MEOX2: variants seen among roughly 807,000 people sequenced by gnomAD.
The protein encoded by MEOX2 is homeobox protein MOX-2.
A neutral mutation model predicts 27.0 loss-of-function variants in MEOX2; 11 were observed. The ratio of observed to expected loss-of-function variants is 0.41; its 90% CI spans 0.26 to 0.68. MEOX2 has a LOEUF of 0.68. Ranked by LOEUF, MEOX2 falls within the 30% of genes least tolerant of loss-of-function variation. The pLI is 0.33. For missense variants in MEOX2, 436 were observed against 385.4 expected (o/e 1.13, Z -1.10); for synonymous variants, 189 against 155.4 (o/e 1.22, Z -1.61).
In MEOX2 at chr7:15,686,618, G is replaced by A. The variant is rs914191157; in HGVS notation, c.-216C>T. 1.4e-5 allele frequency: 8 copies of A among 582,436 alleles called. No individual in the cohort carries two copies. Among genetic ancestry groups the A allele is most frequent in the South Asian group, 1.1e-4 (5 of 43,774 alleles). The allele number at this position is 582,436 out of a possible 1,614,324, so 36.1% of individuals were successfully genotyped here. ...GTCGGACCTGGAAGAGCTTCCCTGA[G>A]CTACTCAGATGTCAAGAGTGGGAGA... On this transcript the variant is annotated 5_prime_UTR_variant, in exon 1 of 3. Coordinates refer to ENST00000262041, the MANE Select transcript of MEOX2 (RefSeq NM_005924.5).
chr7:15,629,354 T>C (rs1781363365), intron 1 of MEOX2, among the ~76,000 whole-genome samples: 1 of 152,060 alleles, frequency 6.6e-6, no homozygotes, highest in South Asian at 2.1e-4. Flanking sequence ...AGGAGGTTTA[T>C]ACAGCCAGTG....
intron 1 of MEOX2, among the ~76,000 whole-genome samples, chr7:15,640,100 TC>T (rs1310193871): frequency 1.3e-5 from 2 of 152,172 alleles, no homozygotes; most frequent in African/African-American, 4.8e-5. Flanking sequence ...TGATATTGAT[TC>T]TTCCTATCCA....
chr7:15,628,634 G>A (rs1036310270), intron 1 of MEOX2, among the ~76,000 whole-genome samples: 4 of 152,074 alleles, frequency 2.6e-5, no homozygotes, highest in African/African-American at 9.7e-5. Flanking sequence ...AAGCCACTGG[G>A]ACCAGGTGAG....
chr7:15,631,767 T>G (rs553203578), intron 1 of MEOX2, among the ~76,000 whole-genome samples: 2 of 151,892 alleles, frequency 1.3e-5, no homozygotes, highest in South Asian at 4.1e-4. Context: ...GTATGAAGAT[T>G]TGAGATGCTT....
chr7:15,683,046 T>A (rs1782317798), intron 1 of MEOX2, among the ~76,000 whole-genome samples: 1 of 152,052 alleles, frequency 6.6e-6, no homozygotes, highest in African/African-American at 2.4e-5. Context: ...TGCATATGTG[T>A]GTGTCCATGT....
intron 1 of MEOX2, among the ~76,000 whole-genome samples, chr7:15,653,888 T>C (rs1156525890): frequency 1.3e-5 from 2 of 152,014 alleles, no homozygotes; most frequent in African/African-American, 4.8e-5. Context: ...CAAAATCGTT[T>C]AGCTATTCTA....
intron 1 of MEOX2, chr7:15,668,091 G>A (rs1782037163): frequency 6.6e-6 from 1 of 152,172 alleles, no homozygotes; most frequent in South Asian, 2.1e-4. Context: ...TTTCTACTGT[G>A]TACTAACATG....
chr7:15,647,078 T>C (rs530658455), intron 1 of MEOX2, among the ~76,000 whole-genome samples: 206 of 152,164 alleles, frequency 1.4e-3, no homozygotes, highest in Middle Eastern at 3.4e-3. Context: ...CTCATAAGAC[T>C]CATATATTAG....
intron 2 of MEOX2, among the ~76,000 whole-genome samples, chr7:15,613,165 T>C (rs892942084): frequency 2.0e-5 from 3 of 152,208 alleles, no homozygotes; most frequent in Non-Finnish European, 2.9e-5. Flanking sequence ...TTCTTTTTAT[T>C]TTCTACCTTA....
At chr7:15,617,103 A>C (rs7793459) in intron 2 of MEOX2, among the ~76,000 whole-genome samples, 101,926 of 151,552 alleles carry the variant, frequency 0.67, 34,500 homozygotes, top group East Asian at 0.81. Flanking sequence ...TATATAATGC[A>C]ATAACCCATA....
intron 1 of MEOX2, among the ~76,000 whole-genome samples, chr7:15,658,447 C>T (rs909852083): frequency 1.3e-5 from 2 of 152,138 alleles, no homozygotes; most frequent in African/African-American, 4.8e-5. Context: ...TGTCTAAAAA[C>T]AGCAAACATC....
intron 1 of MEOX2, among the ~76,000 whole-genome samples, chr7:15,660,299 G>T (rs1276924896): frequency 2.0e-5 from 3 of 152,150 alleles, no homozygotes; most frequent in African/African-American, 7.2e-5. Context: ...AAATTAGCAG[G>T]AGAGTGTAGG....
chr7:15,659,133 A>G (rs1781868711), intron 1 of MEOX2, among the ~76,000 whole-genome samples: 1 of 152,110 alleles, frequency 6.6e-6, no homozygotes, highest in African/African-American at 2.4e-5. Flanking sequence ...CCAGGTAGCT[A>G]GGACTACAGG....
At chr7:15,682,520 T>G (rs1782309542) in intron 1 of MEOX2, among the ~76,000 whole-genome samples, 1 of 152,046 alleles carries the variant, frequency 6.6e-6, no homozygotes, top group South Asian at 2.1e-4. Context: ...TAGTAAAGTC[T>G]ACCTCCCCAA....
chr7:15,668,628 C>A (rs1169510500), intron 1 of MEOX2, among the ~76,000 whole-genome samples: 1 of 151,934 alleles, frequency 6.6e-6, no homozygotes, highest in Non-Finnish European at 1.5e-5. Flanking sequence ...ATTACAGGCA[C>A]CCACCACCAC....
At chr7:15,681,176 C>G (rs1226242972) in intron 1 of MEOX2, 4 of 151,790 alleles carry the variant, frequency 2.6e-5, no homozygotes, top group African/African-American at 7.2e-5. Context: ...TTGCAGCCCT[C>G]ATAGCAGTGC....
chr7:15,650,688 A>G (rs950539818), intron 1 of MEOX2, among the ~76,000 whole-genome samples: 16 of 151,864 alleles, frequency 1.1e-4, no homozygotes, highest in African/African-American at 3.9e-4. Flanking sequence ...AAATAGAGGG[A>G]AAAAAATTGA....
At chr7:15,631,906 A>ATGTGTGTGTGTGTGTG (rs146116757) in intron 1 of MEOX2, among the ~76,000 whole-genome samples, 14,209 of 129,288 alleles carry the variant, frequency 0.11, 1,114 homozygotes, top group East Asian at 0.34. Flanking sequence ...CCAAGGTTAA[A>ATGTGTGTGTGTGTGTG]TGTGTGTGTG....
intron 1 of MEOX2, among the ~76,000 whole-genome samples, chr7:15,666,115 G>A (rs971072533): frequency 5.3e-5 from 8 of 152,090 alleles, no homozygotes; most frequent in Non-Finnish European, 7.4e-5. Flanking sequence ...GAAATGCCAA[G>A]ACCAATGGAG....
Sources: gnomAD v4.1 joint callset for allele counts (sites outside exome capture counted in the v4.1 genomes callset) on GRCh38, gnomAD v4.1.1 for gene constraint, MANE v1.5 for transcripts, NCBI Gene and HGNC (gene_info 2026-07-23, HGNC 2026-07-21) for gene names.